The following CYP19A1 variants were observed in gnomAD, a reference collection of about 807,000 sequenced individuals.
The protein encoded by CYP19A1 is cytochrome P450 family 19 subfamily A member 1.
Under a neutral mutation model 44.4 loss-of-function variants are expected in CYP19A1, and 32 were observed. That is an observed-to-expected ratio of 0.72 (90% CI 0.54 to 0.97). CYP19A1 has a LOEUF of 0.97. CYP19A1 is among the 50% of genes least tolerant of loss of function. The probability of loss-of-function intolerance (pLI) is 0.00; values close to 1 mark genes in which losing one functional copy is unlikely to be tolerated. For synonymous variants in CYP19A1, 212 were observed against 215.6 expected, an observed-to-expected ratio of 0.98 and a Z score of 0.14; for missense variants, 598 against 637.8, an observed-to-expected ratio of 0.94 and a Z score of 0.67.
intron 1 of CYP19A1, among the ~76,000 whole-genome samples, chr15:51,322,498 G>A (rs2036544307): frequency 6.6e-6 from 1 of 152,180 alleles, no homozygotes; most frequent in Admixed American, 6.5e-5. Context: ...TTCTGCTGTT[G>A]TTACTGTTCA....
chr15:51,227,490 C>T (rs926293375), intron 4 of CYP19A1, among the ~76,000 whole-genome samples: 6 of 151,734 alleles, frequency 4.0e-5, no homozygotes, highest in Non-Finnish European at 8.8e-5. Context: ...TCAAATATGG[C>T]GAAACCCCAT....
chr15:51,216,729 T>C (rs1370750441), intron 6 of CYP19A1, among the ~76,000 whole-genome samples: 1 of 152,158 alleles, frequency 6.6e-6, no homozygotes, highest in Non-Finnish European at 1.5e-5. Flanking sequence ...TGCATAAATA[T>C]GTATAGGCAT....
chr15:51,304,372 G>C (rs1272796650), intron 1 of CYP19A1, among the ~76,000 whole-genome samples: 1 of 152,096 alleles, frequency 6.6e-6, no homozygotes, highest in African/African-American at 2.4e-5. Context: ...GACAAATTAA[G>C]TCCTCTTTAC....
At chr15:51,254,444 G>C (rs1338801403) in intron 1 of CYP19A1, among the ~76,000 whole-genome samples, 3 of 152,102 alleles carry the variant, frequency 2.0e-5, no homozygotes, top group Non-Finnish European at 2.9e-5. Flanking sequence ...TTACTTCTGA[G>C]ACTTCAAGCA....
At position 51,209,279 on chromosome 15, in the gene CYP19A1, CT is replaced by C. The variant is rs2030692907; in HGVS notation, c.*1528del. On this transcript the variant is annotated 3_prime_UTR_variant, in exon 10 of 10. Coordinates refer to ENST00000396402, the MANE Select transcript of CYP19A1 (RefSeq NM_000103.4). ...TGGGAGTATCTCTGAGCAGGAATGT[CT>C]ATTCAGAACTGAGCTTGGGAGTGAA... is the stretch of plus-strand genomic sequence containing the variant. 1.3e-5 allele frequency: 2 copies of C among 152,144 alleles called. No individual in the cohort carries two copies. The highest frequency in any genetic ancestry group is 1.3e-4 in the Admixed American group (2 of 15,266). The allele number at this position is 152,144 out of a possible 1,614,324, so 9.4% of individuals were successfully genotyped here.
At chr15:51,292,765 T>C (rs1410494996) in intron 1 of CYP19A1, among the ~76,000 whole-genome samples, 1 of 151,616 alleles carries the variant, frequency 6.6e-6, no homozygotes, top group African/African-American at 2.4e-5. Context: ...GTCCTGCCTA[T>C]ACATTTACAC....
In CYP19A1 at chr15:51,262,892, A is replaced by G. The variant is rs373300374; in HGVS notation, c.-38-19942T>C. Among the ~76,000 whole-genome samples, 8 of 152,202 alleles carry G rather than the reference A, an allele frequency of 5.3e-5. No individual in the cohort carries two copies. The South Asian group carries it at 1.5e-3, about 28-fold the overall frequency. ...TGAATAAAAAAAAGACAATGCTTGC[A>G]CTCCTGGAGCCTATAGTCTAGGAGG... On this transcript the variant is annotated intron_variant, in intron 1 of 9. Transcript: ENST00000396402.
intron 1 of CYP19A1, among the ~76,000 whole-genome samples, chr15:51,253,178 T>A (rs2034389663): frequency 6.6e-6 from 1 of 152,224 alleles, no homozygotes; most frequent in East Asian, 1.9e-4. Context: ...GTGGTATTTC[T>A]TGATGTGGTT....
At chr15:51,266,152 C>A (rs2034911045) in intron 1 of CYP19A1, among the ~76,000 whole-genome samples, 1 of 152,246 alleles carries the variant, frequency 6.6e-6, no homozygotes, top group Admixed American at 6.5e-5. Context: ...TCCAATCAAC[C>A]CTACTCTGCC....
rs1454120471 is a variant in CYP19A1, at chr15:51,208,687, A to T, written c.*2121T>A. The T allele has an allele frequency of 6.6e-6, 1 of 152,042 alleles. No homozygotes were observed. Among genetic ancestry groups the T allele is most frequent in the African/African-American group, 2.4e-5 (1 of 41,398 alleles). 9.4% of individuals were successfully genotyped at this position (152,042 alleles called of 1,614,324 possible). The stretch of plus-strand genomic sequence containing the variant: ...ACTACCCAGGTAATTTGATTCTGGG[A>T]GAGTTTGCTTGGATCGTTCAAACCA... On this transcript the variant is annotated 3_prime_UTR_variant, in exon 10 of 10. Coordinates refer to ENST00000396402, the MANE Select transcript of CYP19A1 (RefSeq NM_000103.4).
chr15:51,301,826 G>A (rs1595770858), intron 1 of CYP19A1, among the ~76,000 whole-genome samples: 1 of 152,226 alleles, frequency 6.6e-6, no homozygotes, highest in African/African-American at 2.4e-5. Flanking sequence ...TCCAAAGCAT[G>A]TGGTGCCACC....
At chr15:51,248,081 CCT>C (rs982535185) in intron 1 of CYP19A1, among the ~76,000 whole-genome samples, 1 of 152,172 alleles carries the variant, frequency 6.6e-6, no homozygotes, top group African/African-American at 2.4e-5. Flanking sequence ...CTCTCAAAAG[CCT>C]CTGTTGTGAA....
In CYP19A1 at chr15:51,255,244, G is replaced by A. The variant is rs370417544; in HGVS notation, c.-38-12294C>T. On this transcript the variant is annotated intron_variant, in intron 1 of 9. Transcript: ENST00000396402. ...CATTATTCAGTAATTGGGGGCAAAC[G>A]CTATTTGTTCTAAGGGTCTCTGGAA... Among the ~76,000 whole-genome samples, 7 of 152,280 alleles carry A rather than the reference G, an allele frequency of 4.6e-5. No homozygotes were observed. In the South Asian group the frequency reaches 6.2e-4, roughly 14 times the overall value.
intron 1 of CYP19A1, among the ~76,000 whole-genome samples, chr15:51,254,509 C>T (rs1015281089): frequency 6.6e-6 from 1 of 152,044 alleles, no homozygotes; most frequent in Non-Finnish European, 1.5e-5. Flanking sequence ...CCATTTTTGC[C>T]ATTTTTGCTT....
At chr15:51,331,618 G>T (rs991665830) in intron 1 of CYP19A1, among the ~76,000 whole-genome samples, 1 of 151,934 alleles carries the variant, frequency 6.6e-6, no homozygotes, top group African/African-American at 2.4e-5. Flanking sequence ...TAGAATGGGG[G>T]CGAGTTCAGG....
chr15:51,261,756 G>C (rs2034730936), intron 1 of CYP19A1, among the ~76,000 whole-genome samples: 1 of 152,180 alleles, frequency 6.6e-6, no homozygotes, highest in African/African-American at 2.4e-5. Context: ...TGGAGGAATA[G>C]AATTCCAAGG....
chr15:51,249,883 C>A (rs1424257721), intron 1 of CYP19A1, among the ~76,000 whole-genome samples: 1 of 152,220 alleles, frequency 6.6e-6, no homozygotes, highest in Non-Finnish European at 1.5e-5. Flanking sequence ...TGATTTCCAT[C>A]CCCTGGCACT....
chr15:51,313,101 A>G (rs573385044), intron 1 of CYP19A1: 1 of 152,202 alleles, frequency 6.6e-6, no homozygotes, highest in African/African-American at 2.4e-5. Context: ...TTTTTTGGGC[A>G]TATTGTCTCT....
chr15:51,297,408 T>C (rs551906426), intron 1 of CYP19A1, among the ~76,000 whole-genome samples: 3 of 152,326 alleles, frequency 2.0e-5, no homozygotes, highest in East Asian at 3.9e-4. Context: ...CAGAGTCCCA[T>C]GGAGTAAAGT....
Sources: allele counts gnomAD v4.1 joint callset (sites outside exome capture counted in the v4.1 genomes callset), GRCh38; gene constraint gnomAD v4.1.1; transcripts MANE v1.5; gene names NCBI Gene and HGNC (gene_info 2026-07-23, HGNC 2026-07-21).